Variants in CD4 observed in about 807,000 individuals in gnomAD.
CD4 encodes the protein CD4 molecule, also known as T-cell surface glycoprotein CD4.
Under a neutral mutation model 50.5 loss-of-function variants are expected in CD4, and 25 were observed. That is an observed-to-expected ratio of 0.49 (90% confidence interval 0.36 to 0.69). The LOEUF is 0.69. Ranked by LOEUF, CD4 falls within the 30% of genes least tolerant of loss-of-function variation. CD4 has a pLI of 0.00. For synonymous variants in CD4, 207 were observed against 221.9 expected (o/e 0.93, Z 0.60); for missense variants, 456 against 548.5 (o/e 0.83, Z 1.68).
At chr12:6,801,930 T>G (rs1591549077) in intron 3 of CD4, among the ~76,000 whole-genome samples, 1 of 144,826 alleles carries the variant, frequency 6.9e-6, no homozygotes, top group Admixed American at 7.0e-5. Flanking sequence ...TGGAGTGCAG[T>G]GGGCATGATC....
chr12:6,793,704 C>CT lies in CD4; in HGVS notation c.-68+4054dup, dbSNP rs112059254. On this transcript the variant is annotated intron_variant, in intron 1 of 9. Coordinates refer to ENST00000011653, the MANE Select transcript of CD4 (RefSeq NM_000616.5). Reference sequence around the variant, plus strand: ...TCTATCTATCTATCTATCTATCTATCTTTTTTTTTTTTGAGACAAAATCTC... The same window carrying CT: ...TCTATCTATCTATCTATCTATCTATCTTTTTTTTTTTTTGAGACAAAATCTC... Among the ~76,000 whole-genome samples the CT allele has an allele frequency of 5.6e-3, 175 of 31,120 alleles. 1 individual carries two copies. The highest frequency in any genetic ancestry group is 0.01 in the African/African-American group (164 of 16,098). 20.4% of individuals were successfully genotyped at this position (31,120 alleles called of 152,430 possible). A position where few individuals can be genotyped will look rare whatever the true frequency, so the allele number is the denominator to read the frequency against.
intron 4 of CD4, 44 bp downstream of exon 4, chr12:6,814,344 C>G: frequency 6.3e-7 from 1 of 1,585,102 alleles, no homozygotes. Flanking sequence ...TGCCTGGTTC[C>G]CTTCCCCACT....
At chr12:6,813,837 C>T (rs969144626) in intron 3 of CD4, among the ~76,000 whole-genome samples, 1 of 152,146 alleles carries the variant, frequency 6.6e-6, no homozygotes, top group Admixed American at 6.5e-5. Context: ...ACAGTGTTGA[C>T]AGTATCTATT....
At position 6,819,317 on chromosome 12, in the gene CD4, T is replaced by C; in HGVS notation, c.1365T>C (p.Cys455=). 6.2e-7 allele frequency: 1 copy of C among 1,614,124 alleles called. No homozygotes were observed. The highest frequency in any genetic ancestry group is 8.5e-7 in the Non-Finnish European group (1 of 1,179,972). ...CQCPHRFQKT[C]SPI Reference sequence around the variant, plus strand: ...CCTGCAGCCGGTTTCAGAAGACATGTAGCCCCATTTGAGGCACGAGGCCAG... The same window carrying C: ...CCTGCAGCCGGTTTCAGAAGACATGCAGCCCCATTTGAGGCACGAGGCCAG... The change falls in exon 10 of 10, where the codon TGT becomes TGC. Residue 455 remains cysteine, a synonymous_variant. Transcript: ENST00000011653.
Position 6,817,719 on chromosome 12 carries a change from C to T in CD4, c.1156+389C>T, listed in dbSNP as rs1026724253. On this transcript the variant is annotated intron_variant, in intron 7 of 9. Transcript: ENST00000011653. The stretch of plus-strand genomic sequence containing the variant: ...ACACACTCCCATACACTCTCACACA[C>T]GCACACACATCACTCACACACTCGC... Among the ~76,000 whole-genome samples the T allele has an allele frequency of 4.1e-4, 61 of 149,444 alleles. 1 individual carries two copies. Among genetic ancestry groups the T allele is most frequent in the Non-Finnish European group, 7.0e-4 (47 of 67,428 alleles).
chr12:6,800,121 TCCCTC>T lies in CD4; in HGVS notation c.-17_-13del. ...GTCCCTACTGGCTCAGGCCCCTGCC[TCCCTC>T]GGCAAGGCCACAATGAACCGGGGAG... On this transcript the variant is annotated 5_prime_UTR_variant, in exon 2 of 10. Coordinates refer to ENST00000011653, the MANE Select transcript of CD4 (RefSeq NM_000616.5). 1 of 1,613,564 alleles carries T rather than the reference TCCCTC, an allele frequency of 6.2e-7. No homozygotes were observed. Among genetic ancestry groups the T allele is most frequent in the Non-Finnish European group, 8.5e-7 (1 of 1,179,648 alleles).
Position 6,819,739 on chromosome 12 carries a change from A to G in CD4, c.*410A>G, listed in dbSNP as rs3213428. ...GACCCTGGGACCACAGAGGGCAGGA[A>G]CTTGCACAAAATCACACAGCCAAGC... On this transcript the variant is annotated 3_prime_UTR_variant, in exon 10 of 10. Coordinates refer to ENST00000011653, the MANE Select transcript of CD4 (RefSeq NM_000616.5). 0.21 allele frequency: 40,890 copies of G among 192,318 alleles called. 4,975 individuals are homozygous for G. Among genetic ancestry groups the G allele is most frequent in the East Asian group, 0.46 (2,996 of 6,574 alleles). The allele number at this position is 192,318 out of a possible 1,614,324, so 11.9% of individuals were successfully genotyped here.
At chr12:6,815,785 A>G in intron 5 of CD4, 1 of 1,434,284 alleles carries the variant, frequency 7.0e-7, no homozygotes, top group Non-Finnish European at 9.2e-7. Flanking sequence ...TGGTCCAGGA[A>G]TCCTAAGGAC....
At chr12:6,802,162 C>G (rs1197042337) in intron 3 of CD4, among the ~76,000 whole-genome samples, 1 of 152,154 alleles carries the variant, frequency 6.6e-6, no homozygotes, top group African/African-American at 2.4e-5. Flanking sequence ...GCATGAGCTA[C>G]TGCACTTGGC....
intron 1 of CD4, among the ~76,000 whole-genome samples, chr12:6,793,115 C>A (rs529682998): frequency 6.6e-6 from 1 of 152,252 alleles, no homozygotes; most frequent in South Asian, 2.1e-4. Flanking sequence ...AAGGCCAGAT[C>A]TCTGGGGTGG....
chr12:6,801,611 A>T (rs1942553530), intron 3 of CD4, among the ~76,000 whole-genome samples: 1 of 150,360 alleles, frequency 6.7e-6, no homozygotes, highest in African/African-American at 2.4e-5. Flanking sequence ...CCCAGGCTGG[A>T]GTGCGGTGGC....
In CD4 at chr12:6,810,724, T is replaced by C. The variant is rs973601160; in HGVS notation, c.215-3418T>C. On this transcript the variant is annotated intron_variant, in intron 3 of 9. Coordinates refer to ENST00000011653, the MANE Select transcript of CD4 (RefSeq NM_000616.5). ...GCAGAACCAGAGTAGGCCACGCTTT[T>C]AAGAAGTTTGGTAAAGGAACTGTGA... Among the ~76,000 whole-genome samples the C allele has an allele frequency of 2.0e-5, 3 of 152,166 alleles. No homozygotes were observed. In the South Asian group the frequency reaches 6.2e-4, roughly 31 times the overall value.
chr12:6,803,506 C>T (rs868988087), intron 3 of CD4, among the ~76,000 whole-genome samples: 5 of 143,324 alleles, frequency 3.5e-5, no homozygotes, highest in South Asian at 2.6e-4. Flanking sequence ...CTTGTGGGGC[C>T]GGGCGTGGTG....
intron 3 of CD4, among the ~76,000 whole-genome samples, chr12:6,807,661 GT>G (rs1165765487): frequency 6.6e-6 from 1 of 152,180 alleles, no homozygotes; most frequent in Admixed American, 6.6e-5. Context: ...GAGCATACTG[GT>G]TGAGATATAG....
chr12:6,809,083 A>G (rs1942856303), intron 3 of CD4, among the ~76,000 whole-genome samples: 1 of 152,270 alleles, frequency 6.6e-6, no homozygotes, highest in East Asian at 1.9e-4. Context: ...CTGATTTCTA[A>G]CAATAACAGT....
rs1422525956 is a variant in CD4 at position 6,820,487 on chromosome 12, T to C, written c.*1158T>C. The C allele has an allele frequency of 2.6e-5, 4 of 152,176 alleles. No homozygotes were observed. Among genetic ancestry groups the C allele is most frequent in the Admixed American group, 6.5e-5 (1 of 15,280 alleles). 9.4% of individuals were successfully genotyped at this position (152,176 alleles called of 1,614,324 possible). A position where few individuals can be genotyped will look rare whatever the true frequency, so the allele number is the denominator to read the frequency against. ...GGAACCCTCTAAGGGACCTCAAAGG[T>C]GATTGTGCCAGGCTCTGCGCCTGCC... On this transcript the variant is annotated 3_prime_UTR_variant, in exon 10 of 10. Coordinates refer to ENST00000011653, the MANE Select transcript of CD4 (RefSeq NM_000616.5).
intron 7 of CD4, among the ~76,000 whole-genome samples, 157 bp downstream of exon 7, chr12:6,817,487 G>A (rs1263253048): frequency 6.6e-6 from 1 of 152,058 alleles, no homozygotes; most frequent in Admixed American, 6.5e-5. Context: ...GGCCCCAAAA[G>A]GAGGCATAGA....
At position 6,818,055 on chromosome 12, in the gene CD4, C is replaced by G. The variant is rs1943143963; in HGVS notation, c.1157-366C>G. Reference sequence around the variant, plus strand: ...ACACAGGCACACATTCACACACATGCACACACGCACACACATTCACACATG... The same window carrying G: ...ACACAGGCACACATTCACACACATGGACACACGCACACACATTCACACATG... On this transcript the variant is annotated intron_variant, in intron 7 of 9. Coordinates refer to ENST00000011653, the MANE Select transcript of CD4 (RefSeq NM_000616.5). The surrounding 1 kb of genome is among the most constrained non-coding windows in gnomAD (Gnocchi z 5.0). 6.7e-6 allele frequency among the ~76,000 whole-genome samples: 1 copy of G among 149,756 alleles called. No individual in the cohort carries two copies. Among genetic ancestry groups the G allele is most frequent in the African/African-American group, 2.4e-5 (1 of 40,864 alleles).
intron 3 of CD4, among the ~76,000 whole-genome samples, chr12:6,812,028 G>A (rs1170606029): frequency 6.6e-6 from 1 of 152,030 alleles, no homozygotes. Context: ...TGGCTGCCTA[G>A]GTTGGTCCCA....
Sources: gnomAD v4.1 joint callset for allele counts (sites outside exome capture counted in the v4.1 genomes callset) on GRCh38, gnomAD v4.1.1 for gene constraint, Gnocchi (gnomAD v3.1) non-coding constraint, MANE v1.5 for transcripts, NCBI Gene and HGNC (gene_info 2026-07-23, HGNC 2026-07-21) for gene names.